FANCA: variants seen among roughly 807,000 people sequenced by gnomAD.
The protein encoded by FANCA is Fanconi anemia group A protein.
Under a neutral mutation model 194.3 loss-of-function variants are expected in FANCA, and 236 were observed. The ratio of observed to expected loss-of-function variants is 1.21; its 90% CI spans 1.09 to 1.35. FANCA has a LOEUF of 1.35. FANCA is among the 40% of genes most tolerant of loss of function. FANCA has a pLI of 0.00. For synonymous variants in FANCA, 1,014 were observed against 715.8 expected (o/e 1.42, Z -6.65); for missense variants, 2,628 against 1,813.9 (o/e 1.45, Z -8.15).
chr16:89,741,116 A>G (rs55713372), intron 37 of FANCA, among the ~76,000 whole-genome samples: 1 of 152,254 alleles, frequency 6.6e-6, no homozygotes, highest in East Asian at 1.9e-4. Flanking sequence ...GACAAGAGCC[A>G]GAAAGAGAAG....
chr16:89,758,345 T>C lies in FANCA; in HGVS notation c.2981+232A>G, dbSNP rs12709093. Among the ~76,000 whole-genome samples, 64,206 of 151,960 alleles carry C rather than the reference T, an allele frequency of 0.42. 14,889 individuals carry two copies. The highest frequency in any genetic ancestry group is 0.76 in the East Asian group (3,915 of 5,170). On this transcript the variant is annotated intron_variant, in intron 30 of 42. Transcript: ENST00000389301. ...TTAAAAGTAAGGCCTCATCGGTGTG[T>C]GATGGTTAATACTGAGTGTCAACGT...
rs780341849 is a variant in FANCA, at chr16:89,814,589, A to AT, written c.213dup (p.Leu72IlefsTer8). ...CAGTCAATCACTTTGCTGAGAGACAATTTTTTACACAGTGGACCTTCTACC... is the reference window on the plus strand; with the variant it reads ...CAGTCAATCACTTTGCTGAGAGACAATTTTTTTACACAGTGGACCTTCTACC... On this transcript the variant is annotated frameshift_variant, in exon 3 of 43. Transcript: ENST00000389301. LOFTEE classifies it high-confidence loss of function. 6.2e-7 allele frequency: 1 copy of AT among 1,613,760 alleles called. No homozygotes were observed. The highest frequency in any genetic ancestry group is 1.1e-5 in the South Asian group (1 of 91,072).
At chr16:89,785,534 C>G (rs560769107) in intron 14 of FANCA, among the ~76,000 whole-genome samples, 1 of 152,130 alleles carries the variant, frequency 6.6e-6, no homozygotes, top group Non-Finnish European at 1.5e-5. Flanking sequence ...GCAGAGCAAG[C>G]GAGGAACATG....
chr16:89,741,735 C>A (rs1177401342), intron 37 of FANCA, among the ~76,000 whole-genome samples: 1 of 152,190 alleles, frequency 6.6e-6, no homozygotes, highest in African/African-American at 2.4e-5. Flanking sequence ...CGGTCCCATC[C>A]TTGCTGCCTC....
chr16:89,775,605 C>T (rs1473659039), intron 21 of FANCA, 137 bp downstream of exon 21: 5 of 713,100 alleles, frequency 7.0e-6, no homozygotes, highest in Admixed American at 2.0e-5. Flanking sequence ...GGTGGGCGGA[C>T]CCTGTACCCA....
intron 3 of FANCA, among the ~76,000 whole-genome samples, chr16:89,813,439 T>C (rs1055044333): frequency 2.6e-5 from 4 of 151,034 alleles, no homozygotes; most frequent in Admixed American, 2.6e-4. Context: ...GACAATGCCA[T>C]TTTCTGTTCT....
Position 89,789,430 on chromosome 16 carries a change from T to G in FANCA, c.1359+1973A>C, listed in dbSNP as rs2039997977. 2.9e-5 allele frequency among the ~76,000 whole-genome samples: 4 copies of G among 139,510 alleles called. No homozygotes were observed. The South Asian group carries it at 9.3e-4, about 32-fold the overall frequency. The allele number at this position is 139,510 out of a possible 152,430, so 91.5% of individuals were successfully genotyped here. A position where few individuals can be genotyped will look rare whatever the true frequency, so the allele number is the denominator to read the frequency against. On this transcript the variant is annotated intron_variant, in intron 14 of 42. Transcript: ENST00000389301. ...ACCGAGGTGGTGATGGCAGGAAAAC[T>G]CAATACTTTTTTTTTTTTTTTTTTT... is the stretch of plus-strand genomic sequence containing the variant.
intron 11 of FANCA, among the ~76,000 whole-genome samples, chr16:89,795,663 C>T (rs2040220383): frequency 6.6e-6 from 1 of 152,176 alleles, no homozygotes; most frequent in South Asian, 2.1e-4. Context: ...AAAGATATTT[C>T]TATTTTAATG....
chr16:89,758,751 C>T (rs1461119049), intron 29 of FANCA, 46 bp from the exon 30 acceptor site: 1 of 1,607,780 alleles, frequency 6.2e-7, no homozygotes, highest in Non-Finnish European at 8.5e-7. Context: ...TGCTTCGTGG[C>T]CAGCGGTTCC....
chr16:89,758,619 G>C lies in FANCA; in HGVS notation c.2939C>G (p.Ala980Gly), dbSNP rs773070418. The C allele has an allele frequency of 1.9e-6, 3 of 1,613,968 alleles. No individual in the cohort carries two copies. In the Admixed American group the frequency reaches 5.0e-5, roughly 27 times the overall value. ...SGGCDGDLQA[A>G]CTILVNALMD... Reference sequence around the variant, plus strand: ...CAGTGCGTTGACAAGAATGGTACACGCAGCCTGCAGGTCTCCGTCACAGCC... The same window carrying C: ...CAGTGCGTTGACAAGAATGGTACACCCAGCCTGCAGGTCTCCGTCACAGCC... Residue 980 changes from alanine (A) to glycine (G), a missense_variant, in exon 30 of 43, where the codon GCG becomes GGG. Transcript: ENST00000389301.
chr16:89,782,209 AC>A (rs1197528726), intron 17 of FANCA, among the ~76,000 whole-genome samples: 1 of 151,276 alleles, frequency 6.6e-6, no homozygotes, highest in African/African-American at 2.4e-5. Context: ...CCTCGTCTCT[AC>A]TAAAAAAAAT....
rs1180368142 is a variant in FANCA at position 89,816,538 on chromosome 16, C to G, written c.78G>C (p.Leu26=). The change falls in exon 1 of 43, where the codon CTG becomes CTC. Residue 26 remains leucine, a splice_region_variant and synonymous_variant. Transcript: ENST00000389301. The part of the protein sequence containing the change: ...GGRRRAWAEL[L]AGRVKREKYN... ...CCGCGGCCTGCCGCGCCCACCTACC[C>G]AGCAGCTCGGCCCAGGCCCTCCGGC... 1 of 1,496,962 alleles carries G rather than the reference C, an allele frequency of 6.7e-7. No individual in the cohort carries two copies. Among genetic ancestry groups the G allele is most frequent in the East Asian group, 2.8e-5 (1 of 35,982 alleles). 92.7% of individuals were successfully genotyped at this position (1,496,962 alleles called of 1,614,324 possible). A position where few individuals can be genotyped will look rare whatever the true frequency, so the allele number is the denominator to read the frequency against.
At chr16:89,762,491 G>C (rs916797890) in intron 28 of FANCA, 2 of 231,210 alleles carry the variant, frequency 8.7e-6, no homozygotes, top group South Asian at 4.9e-5. Context: ...CCTCTTGGGA[G>C]GCTGAGGCAG....
intron 12 of FANCA, 80 bp from the exon 13 acceptor site, chr16:89,792,148 G>A (rs574398352): frequency 1.1e-5 from 17 of 1,549,356 alleles, no homozygotes; most frequent in South Asian, 2.2e-5. Flanking sequence ...CCTCCCAGCC[G>A]GTGGCCACCG....
chr16:89,740,681 A>G, intron 38 of FANCA, 123 bp downstream of exon 38: 2 of 758,430 alleles, frequency 2.6e-6, no homozygotes, highest in Non-Finnish European at 4.5e-6. Flanking sequence ...TCTCACTCAC[A>G]CTTCCGCAAA....
chr16:89,744,329 C>T (rs924048251), intron 36 of FANCA, among the ~76,000 whole-genome samples: 18 of 152,190 alleles, frequency 1.2e-4, no homozygotes, highest in African/African-American at 3.1e-4. Context: ...TGCCCTCTGA[C>T]GACCCCTTAA....
At chr16:89,761,607 C>T (rs1395730726) in intron 29 of FANCA, among the ~76,000 whole-genome samples, 1 of 151,818 alleles carries the variant, frequency 6.6e-6, no homozygotes, top group Non-Finnish European at 1.5e-5. Context: ...TGTGGAAAAC[C>T]GTGTAACATT....
intron 38 of FANCA, 166 bp downstream of exon 38, chr16:89,740,636 CAA>C (rs371709074): frequency 0.018 from 7,886 of 445,618 alleles, no homozygotes; most frequent in Middle Eastern, 0.022. Flanking sequence ...ACCCCCATCT[CAA>C]AAAAAAAAAA....
chr16:89,815,140 G>C (rs941368704), intron 2 of FANCA, among the ~76,000 whole-genome samples: 26 of 151,762 alleles, frequency 1.7e-4, no homozygotes, highest in Non-Finnish European at 3.1e-4. Flanking sequence ...AGGTTCAAGC[G>C]ATTCTCCTGC....
Sources: allele counts gnomAD v4.1 joint callset (sites outside exome capture counted in the v4.1 genomes callset), GRCh38; gene constraint gnomAD v4.1.1; transcripts MANE v1.5; gene names NCBI Gene and HGNC (gene_info 2026-07-23, HGNC 2026-07-21).